ZCWPW2: variants seen among roughly 807,000 people sequenced by gnomAD.
ZCWPW2 encodes the protein zinc finger CW-type and PWWP domain containing 2.
In ZCWPW2, 45 loss-of-function variants were observed where a neutral mutation model predicts 46.6. The observed-to-expected ratio is 0.96, with a 90% CI of 0.76 to 1.24. The LOEUF (loss-of-function observed/expected upper bound fraction) is 1.24, where lower values mean the gene tolerates loss of function less well. Ranked by LOEUF, ZCWPW2 falls within the 50% of genes most tolerant of loss-of-function variation. The pLI is 0.00. For missense variants in ZCWPW2, 429 were observed against 403.9 expected (o/e 1.06, Z -0.53); for synonymous variants, 152 against 137.1 (o/e 1.11, Z -0.76).
At chr3:28,483,745 A>G (rs1000166982) in intron 5 of ZCWPW2, among the ~76,000 whole-genome samples, 3 of 152,148 alleles carry the variant, frequency 2.0e-5, no homozygotes, top group African/African-American at 4.8e-5. Flanking sequence ...AGGTTTGCCA[A>G]TGTAAATTCT....
intron 2 of ZCWPW2, among the ~76,000 whole-genome samples, chr3:28,410,266 T>G (rs1696348544): frequency 6.6e-6 from 1 of 152,056 alleles, no homozygotes; most frequent in Non-Finnish European, 1.5e-5. Context: ...ATGGGAGATT[T>G]TAACATAGCC....
At chr3:28,493,123 AT>A (rs1431021460) in intron 6 of ZCWPW2, among the ~76,000 whole-genome samples, 83 of 52,756 alleles carry the variant, frequency 1.6e-3, no homozygotes, top group African/African-American at 5.7e-3. Flanking sequence ...GTTTATCTTT[AT>A]TTTTTTTTAT....
chr3:28,436,146 A>G (rs1168755819), intron 4 of ZCWPW2, among the ~76,000 whole-genome samples: 1 of 152,064 alleles, frequency 6.6e-6, no homozygotes, highest in Non-Finnish European at 1.5e-5. Context: ...AGAATAGGTA[A>G]ACTGGACCTA....
In ZCWPW2 at chr3:28,426,641, CT is replaced by C. The variant is rs376683592; in HGVS notation, c.333-8468del. Reference sequence around the variant, plus strand: ...ATTATTTTGCATATCAATTAATATACTAATAATATGTGTATCTGAAAGGAAA... The same window carrying C: ...ATTATTTTGCATATCAATTAATATACAATAATATGTGTATCTGAAAGGAAA... On this transcript the variant is annotated intron_variant, in intron 3 of 9. Transcript: ENST00000383768. Among the ~76,000 whole-genome samples the C allele has an allele frequency of 3.9e-5, 6 of 152,130 alleles. No homozygotes were observed. The East Asian group carries it at 1.2e-3, about 29-fold the overall frequency.
chr3:28,518,993 A>G (rs1175754686), intron 8 of ZCWPW2, among the ~76,000 whole-genome samples: 3 of 152,224 alleles, frequency 2.0e-5, no homozygotes, highest in Non-Finnish European at 4.4e-5. Context: ...GATAGACATG[A>G]CATTGTTATA....
chr3:28,458,653 G>A (rs1487688582), intron 4 of ZCWPW2, among the ~76,000 whole-genome samples: 2 of 151,892 alleles, frequency 1.3e-5, no homozygotes, highest in African/African-American at 4.8e-5. Flanking sequence ...ATTTACATCG[G>A]GGCATCTGCT....
intron 2 of ZCWPW2, among the ~76,000 whole-genome samples, chr3:28,401,040 G>A (rs550062732): frequency 4.1e-4 from 62 of 152,016 alleles, no homozygotes; most frequent in Non-Finnish European, 6.6e-4. Flanking sequence ...TTAGCCGGGC[G>A]TGGTGGCAGG....
intron 1 of ZCWPW2, among the ~76,000 whole-genome samples, chr3:28,373,587 T>A (rs1705410584): frequency 6.6e-6 from 1 of 152,092 alleles, no homozygotes; most frequent in Non-Finnish European, 1.5e-5. Flanking sequence ...GTGATTCTCC[T>A]GCCTCAGCCT....
chr3:28,514,123 G>A lies in ZCWPW2; in HGVS notation c.716+1G>A. 6.8e-7 allele frequency: 1 copy of A among 1,469,830 alleles called. No homozygotes were observed. The highest frequency in any genetic ancestry group is 9.3e-7 in the Non-Finnish European group (1 of 1,075,450). 91.0% of individuals were successfully genotyped at this position (1,469,830 alleles called of 1,614,324 possible). On this transcript the variant is annotated splice_donor_variant, in intron 7 of 9. Coordinates refer to ENST00000383768, the MANE Select transcript of ZCWPW2 (RefSeq NM_001040432.4). LOFTEE classifies it high-confidence loss of function. Reference sequence around the variant, plus strand: ...AGCCCAAATTTAGAAAAAGGAAAAGGTATGCTTTTTGAAATTAAATAGTAT... The same window carrying A: ...AGCCCAAATTTAGAAAAAGGAAAAGATATGCTTTTTGAAATTAAATAGTAT...
At chr3:28,496,068 A>G (rs982291084) in intron 6 of ZCWPW2, among the ~76,000 whole-genome samples, 4 of 152,090 alleles carry the variant, frequency 2.6e-5, no homozygotes, top group Non-Finnish European at 5.9e-5. Flanking sequence ...GGCTTGTTAT[A>G]GAGAGGCAAA....
At chr3:28,499,947 T>G (rs981961759) in intron 6 of ZCWPW2, among the ~76,000 whole-genome samples, 1 of 152,116 alleles carries the variant, frequency 6.6e-6, no homozygotes, top group African/African-American at 2.4e-5. Context: ...TTGTCTCTTT[T>G]GGGGATTTCA....
At chr3:28,355,032 G>C (rs997112675) in intron 1 of ZCWPW2, among the ~76,000 whole-genome samples, 1 of 150,484 alleles carries the variant, frequency 6.6e-6, no homozygotes, top group African/African-American at 2.5e-5. Flanking sequence ...GAAATAAAGG[G>C]TATTCAATTA....
intron 5 of ZCWPW2, among the ~76,000 whole-genome samples, chr3:28,489,397 C>G (rs1043832566): frequency 6.6e-6 from 1 of 151,858 alleles, no homozygotes; most frequent in African/African-American, 2.4e-5. Flanking sequence ...CTACTGGGCC[C>G]TTTACACATG....
intron 5 of ZCWPW2, among the ~76,000 whole-genome samples, chr3:28,480,728 C>T (rs1310686237): frequency 6.6e-6 from 1 of 152,076 alleles, no homozygotes; most frequent in African/African-American, 2.4e-5. Context: ...ACATTTAAGT[C>T]TTGAATCCAT....
chr3:28,420,282 A>G (rs1389967927), intron 3 of ZCWPW2, among the ~76,000 whole-genome samples: 2 of 151,980 alleles, frequency 1.3e-5, no homozygotes, highest in East Asian at 1.9e-4. Flanking sequence ...ATTTAGTGCT[A>G]TAAATTTCCC....
At chr3:28,447,707 T>G in intron 4 of ZCWPW2, 1 of 503,650 alleles carries the variant, frequency 2.0e-6, no homozygotes, top group South Asian at 2.1e-5. Flanking sequence ...CCACGAACGT[T>G]GTCTAGAGGC....
At chr3:28,371,994 T>C (rs1251988402) in intron 1 of ZCWPW2, among the ~76,000 whole-genome samples, 1 of 151,720 alleles carries the variant, frequency 6.6e-6, no homozygotes, top group East Asian at 1.9e-4. Flanking sequence ...CTCCTCCTGC[T>C]CCTCCTCTTT....
intron 3 of ZCWPW2, among the ~76,000 whole-genome samples, chr3:28,420,465 A>G (rs2125746778): frequency 6.8e-6 from 1 of 147,228 alleles, no homozygotes; most frequent in Admixed American, 6.7e-5. Flanking sequence ...CCCACCTTCC[A>G]CCCTCTAGTA....
At chr3:28,389,000 A>G (rs1695384080) in intron 1 of ZCWPW2, among the ~76,000 whole-genome samples, 2 of 152,212 alleles carry the variant, frequency 1.3e-5, no homozygotes. Flanking sequence ...CAACTGATCC[A>G]TCACAGCTCC....
Sources: allele counts gnomAD v4.1 joint callset (sites outside exome capture counted in the v4.1 genomes callset), GRCh38; gene constraint gnomAD v4.1.1; transcripts MANE v1.5; gene names NCBI Gene and HGNC (gene_info 2026-07-23, HGNC 2026-07-21).